The following CTSB variants were observed in gnomAD, a reference collection of about 807,000 sequenced individuals.
CTSB encodes the protein cathepsin B, also known as APP secretase.
Under a neutral mutation model 44.3 loss-of-function variants are expected in CTSB, and 57 were observed. That is an observed-to-expected ratio of 1.29 (90% CI 1.04 to 1.60). CTSB has a LOEUF of 1.60. CTSB is among the 40% of genes most tolerant of loss of function. CTSB has a pLI of 0.00. For missense variants in CTSB, 768 were observed against 443.0 expected (o/e 1.73, Z -6.59); for synonymous variants, 320 against 168.0 (o/e 1.91, Z -7.00).
rs1445845841 is a variant in CTSB at position 11,842,558 on chromosome 8, A to C, written c.*2567T>G. The C allele has an allele frequency of 6.6e-6, 1 of 152,166 alleles. No homozygotes were observed. The highest frequency in any genetic ancestry group is 1.9e-4 in the East Asian group (1 of 5,198). The allele number at this position is 152,166 out of a possible 1,614,324, so 9.4% of individuals were successfully genotyped here. Reference sequence around the variant, plus strand: ...AGGGAGAACTTTATTGAGGTTATGAATATATTCTACTTGAAACTGGAAGGA... The same window carrying C: ...AGGGAGAACTTTATTGAGGTTATGACTATATTCTACTTGAAACTGGAAGGA... On this transcript the variant is annotated 3_prime_UTR_variant, in exon 10 of 10. Coordinates refer to ENST00000353047, the MANE Select transcript of CTSB (RefSeq NM_001908.5).
chr8:11,856,000 C>T (rs1416044096), intron 1 of CTSB, among the ~76,000 whole-genome samples: 1 of 151,994 alleles, frequency 6.6e-6, no homozygotes, highest in Admixed American at 6.6e-5. Context: ...TGCATTCCTG[C>T]CTGGGTGACA....
At chr8:11,850,419 CAAAAAA>C (rs61067792) in intron 4 of CTSB, among the ~76,000 whole-genome samples, 9 of 53,788 alleles carry the variant, frequency 1.7e-4, no homozygotes, top group South Asian at 1.7e-3. Flanking sequence ...ACTCCATCTC[CAAAAAA>C]AAAAAAAAAA....
At position 11,843,700 on chromosome 8, in the gene CTSB, G is replaced by A. The variant is rs1255283102; in HGVS notation, c.*1425C>T. 3.9e-5 allele frequency: 6 copies of A among 152,212 alleles called. No individual in the cohort carries two copies. Among genetic ancestry groups the A allele is most frequent in the Admixed American group, 3.3e-4 (5 of 15,288 alleles). 9.4% of individuals were successfully genotyped at this position (152,212 alleles called of 1,614,324 possible). A position where few individuals can be genotyped will look rare whatever the true frequency, so the allele number is the denominator to read the frequency against. Reference sequence around the variant, plus strand: ...CACCAAGACACCAAGCCTGTTTTATGAGCTGAATCCTCAGCTTGTTGCTGG... The same window carrying A: ...CACCAAGACACCAAGCCTGTTTTATAAGCTGAATCCTCAGCTTGTTGCTGG... On this transcript the variant is annotated 3_prime_UTR_variant, in exon 10 of 10. Coordinates refer to ENST00000353047, the MANE Select transcript of CTSB (RefSeq NM_001908.5).
intron 2 of CTSB, 39 bp from the exon 3 acceptor site, chr8:11,852,734 G>A (rs2131053613): frequency 6.4e-7 from 1 of 1,573,788 alleles, no homozygotes; most frequent in Non-Finnish European, 8.7e-7. Flanking sequence ...GGTCTCCCGG[G>A]ATGGCGGTGG....
At chr8:11,859,880 C>G (rs1455796224) in intron 1 of CTSB, among the ~76,000 whole-genome samples, 1 of 151,610 alleles carries the variant, frequency 6.6e-6, no homozygotes, top group African/African-American at 2.4e-5. Flanking sequence ...CAAGACCAGC[C>G]TGGCCAACAT....
At chr8:11,856,004 G>C (rs2150422641) in intron 1 of CTSB, among the ~76,000 whole-genome samples, 1 of 152,092 alleles carries the variant, frequency 6.6e-6, no homozygotes, top group East Asian at 1.9e-4. Flanking sequence ...TTCCTGCCTG[G>C]GTGACAGTGA....
At chr8:11,845,602 T>A in intron 9 of CTSB, 59 bp downstream of exon 9, 1 of 1,579,612 alleles carries the variant, frequency 6.3e-7, no homozygotes, top group Non-Finnish European at 8.6e-7. Context: ...AAAGCCGAGA[T>A]GGCCACGGGG....
At chr8:11,858,810 C>G (rs919698496) in intron 1 of CTSB, among the ~76,000 whole-genome samples, 1 of 152,196 alleles carries the variant, frequency 6.6e-6, no homozygotes, top group Non-Finnish European at 1.5e-5. Flanking sequence ...AAGTGACAAG[C>G]TGAGCTGTTA....
rs887409705 is a variant in CTSB, at chr8:11,850,715, G to A, written c.327+151C>T. The A allele has an allele frequency of 3.4e-5, 19 of 555,478 alleles. No homozygotes were observed. The East Asian group carries it at 4.4e-4, about 13-fold the overall frequency. The allele number at this position is 555,478 out of a possible 1,614,324, so 34.4% of individuals were successfully genotyped here. ...CCTCGCCATCATTCATGGCCAGAGG[G>A]ATTGTGATTTTTGTACTGATGGAAA... On this transcript the variant is annotated intron_variant, in intron 4 of 9. Transcript: ENST00000353047.
At chr8:11,845,442 G>A (rs1002098582) in intron 9 of CTSB, among the ~76,000 whole-genome samples, 2 of 152,226 alleles carry the variant, frequency 1.3e-5, no homozygotes, top group African/African-American at 4.8e-5. Context: ...CTGGCGCGAT[G>A]CTGTGGGAAC....
intron 2 of CTSB, 99 bp from the exon 3 acceptor site, chr8:11,852,794 C>A (rs1006608347): frequency 2.1e-5 from 22 of 1,060,792 alleles, no homozygotes; most frequent in Non-Finnish European, 3.1e-5. Context: ...AACCAGAGAC[C>A]CTACCCAATT....
At chr8:11,848,666 G>A in intron 5 of CTSB, 1 of 306,192 alleles carries the variant, frequency 3.3e-6, no homozygotes. Flanking sequence ...AAAGTTCTGT[G>A]CCACCACCTT....
intron 9 of CTSB, 56 bp from the exon 10 acceptor site, chr8:11,845,278 CAG>C (rs1379311633): frequency 1.1e-5 from 15 of 1,331,790 alleles, no homozygotes; most frequent in Non-Finnish European, 1.6e-5. Context: ...CCAATATAGT[CAG>C]ACTCATCCTT....
At chr8:11,853,676 C>T (rs533798243) in intron 1 of CTSB, 197 bp from the exon 2 acceptor site, 36 of 515,846 alleles carry the variant, frequency 7.0e-5, no homozygotes, top group African/African-American at 3.7e-4. Flanking sequence ...TGTGGGTCCC[C>T]GGGGGCCAGG....
At chr8:11,863,045 G>C (rs796193839) in intron 1 of CTSB, among the ~76,000 whole-genome samples, 2 of 152,294 alleles carry the variant, frequency 1.3e-5, no homozygotes, top group African/African-American at 4.8e-5. Flanking sequence ...GAGCACAGTG[G>C]CTCACATCTA....
rs73209042 is a variant in CTSB, at chr8:11,859,434, G to T, written c.-25-5955C>A. ...GGTGTTAAGTCCTGACACCCTTAAAGAATCAGTTTTGGGCTGCCACCAAGC... is the reference window on the plus strand; with the variant it reads ...GGTGTTAAGTCCTGACACCCTTAAATAATCAGTTTTGGGCTGCCACCAAGC... On this transcript the variant is annotated intron_variant, in intron 1 of 9. Transcript: ENST00000353047. 2.5e-4 allele frequency among the ~76,000 whole-genome samples: 38 copies of T among 152,150 alleles called. No homozygotes were observed. In the South Asian group the frequency reaches 7.7e-3, roughly 31 times the overall value.
rs1257693390 is a variant in CTSB at position 11,847,745 on chromosome 8, T to G, written c.610A>C (p.Thr204Pro). The G allele has an allele frequency of 1.3e-6, 2 of 1,599,598 alleles. No individual in the cohort carries two copies. Among genetic ancestry groups the G allele is most frequent in the Non-Finnish European group, 1.7e-6 (2 of 1,175,170 alleles). Residue 204 changes from threonine to proline, a missense_variant, in exon 7 of 10, where the codon ACC becomes CCC. Physicochemically the swap from Thr to Pro is conservative, Grantham distance 38. Transcript: ENST00000353047. ...SRPPCTGEGDTPKCSKICEPG... is the reference protein window; with the variant it reads ...SRPPCTGEGDPPKCSKICEPG... ...TCACAGATCTTGCTACACTTGGGGGTATCTCCCTCCCCCGTGCATGGGGGC... is the reference window on the plus strand; with the variant it reads ...TCACAGATCTTGCTACACTTGGGGGGATCTCCCTCCCCCGTGCATGGGGGC...
chr8:11,867,383 T>A (rs983351675), intron 1 of CTSB: 1 of 152,436 alleles, frequency 6.6e-6, no homozygotes, highest in Non-Finnish European at 1.5e-5. Flanking sequence ...CGCTGTCTGG[T>A]TTCTCTTCCT....
intron 5 of CTSB, chr8:11,848,370 G>A (rs1421390284): frequency 1.5e-6 from 1 of 666,904 alleles, no homozygotes; most frequent in Non-Finnish European, 2.8e-6. Flanking sequence ...TGCCCACAAA[G>A]ATCCGGGAGA....
Sources: allele counts gnomAD v4.1 joint callset (sites outside exome capture counted in the v4.1 genomes callset), GRCh38; gene constraint gnomAD v4.1.1; transcripts MANE v1.5; gene names NCBI Gene and HGNC (gene_info 2026-07-23, HGNC 2026-07-21).